PTK2B: variants seen among roughly 807,000 people sequenced by gnomAD.
PTK2B encodes the protein protein tyrosine kinase 2 beta.
Under a neutral mutation model 142.9 loss-of-function variants are expected in PTK2B, and 71 were observed. That is an observed-to-expected ratio of 0.50 (90% confidence interval 0.41 to 0.61). The LOEUF (loss-of-function observed/expected upper bound fraction) is 0.61. Among genes scored for constraint, PTK2B ranks in the 20% least tolerant of loss-of-function variants. The pLI is 0.00. For synonymous variants in PTK2B, 519 were observed against 503.4 expected (o/e 1.03, Z -0.42); for missense variants, 1,105 against 1,320.4 (o/e 0.84, Z 2.53).
chr8:27,322,929 G>T (rs1270136878), upstream of PTK2B: 1 of 152,226 alleles, frequency 6.6e-6, no homozygotes, highest in East Asian at 1.9e-4. Flanking sequence ...CACCCCACTT[G>T]ACCTTTGGCT....
At chr8:27,365,907 A>T (rs1471013794) in intron 1 of PTK2B, among the ~76,000 whole-genome samples, 5 of 152,158 alleles carry the variant, frequency 3.3e-5, no homozygotes, top group Non-Finnish European at 7.4e-5. Flanking sequence ...CCAATTAAGG[A>T]CTTCGGACTT....
At chr8:27,366,051 T>C (rs1463000341) in intron 1 of PTK2B, among the ~76,000 whole-genome samples, 1 of 152,268 alleles carries the variant, frequency 6.6e-6, no homozygotes, top group East Asian at 1.9e-4. Flanking sequence ...CATCTCTTCA[T>C]GACACCATGT....
chr8:27,454,536 G>A lies in PTK2B; in HGVS notation c.2739G>A (p.Val913=). ...PEGYVVVVKN[V]GLTLRKLIGS... ...CTGCCCCTTTCTCCCCCCAGAATGT[G>A]GGGCTGACCCTGCGGAAGCTCATCG... The change falls in exon 30 of 31, where the codon GTG becomes GTA. Residue 913 remains valine (V), a synonymous_variant. Transcript: ENST00000346049. 3 of 1,614,094 alleles carry A rather than the reference G, an allele frequency of 1.9e-6. No individual in the cohort carries two copies. Among genetic ancestry groups the A allele is most frequent in the Non-Finnish European group, 2.5e-6 (3 of 1,179,956 alleles).
At chr8:27,431,151 G>C in intron 8 of PTK2B, 135 bp downstream of exon 8, 1 of 1,478,726 alleles carries the variant, frequency 6.8e-7, no homozygotes, top group Non-Finnish European at 9.1e-7. Context: ...CTGACCTGCC[G>C]TCGGTGGAAG....
chr8:27,366,670 G>T (rs1371431788), intron 1 of PTK2B, among the ~76,000 whole-genome samples: 2 of 152,172 alleles, frequency 1.3e-5, no homozygotes, highest in South Asian at 4.1e-4. Context: ...CAAATTTCTT[G>T]TGACCCAGCC....
At chr8:27,358,887 C>T (rs1323209143) in intron 1 of PTK2B, among the ~76,000 whole-genome samples, 1 of 151,976 alleles carries the variant, frequency 6.6e-6, no homozygotes, top group African/African-American at 2.4e-5. Flanking sequence ...TTTTTTAACA[C>T]ATACTTGAAT....
chr8:27,421,044 G>A (rs1055996874), intron 4 of PTK2B, among the ~76,000 whole-genome samples: 2 of 152,196 alleles, frequency 1.3e-5, no homozygotes, highest in African/African-American at 4.8e-5. Context: ...GAATCCTGCA[G>A]TGCTTACTAC....
chr8:27,350,988 AAAATATATATATATATATATAT>A (rs1421676127), intron 1 of PTK2B, among the ~76,000 whole-genome samples: 504 of 16,208 alleles, frequency 0.031, 133 homozygotes, highest in African/African-American at 0.11. Flanking sequence ...AAAAAAAAAA[AAAATATATATATATATATATAT>A]ATATATATAT....
upstream of PTK2B, among the ~76,000 whole-genome samples, chr8:27,323,814 ATTCT>A (rs985385520): frequency 6.6e-6 from 1 of 151,996 alleles, no homozygotes; most frequent in African/African-American, 2.4e-5. Context: ...GATTTGGGAG[ATTCT>A]TTTTTTAAAG....
intron 22 of PTK2B, 34 bp from the exon 23 acceptor site, chr8:27,444,172 G>T (rs1399241578): frequency 5.0e-6 from 8 of 1,584,930 alleles, no homozygotes; most frequent in Admixed American, 5.0e-5. Context: ...CAAGGAGAGG[G>T]ACAGAGACTG....
intron 24 of PTK2B, among the ~76,000 whole-genome samples, chr8:27,449,403 T>C (rs150649718): frequency 1.2e-3 from 183 of 152,382 alleles, no homozygotes; most frequent in African/African-American, 3.6e-3. Context: ...TAACCACTTT[T>C]AGACCATATT....
intron 1 of PTK2B, among the ~76,000 whole-genome samples, chr8:27,332,693 G>A (rs367910650): frequency 1.2e-4 from 18 of 151,848 alleles, no homozygotes; most frequent in African/African-American, 2.4e-4. Context: ...GCAATCCTCC[G>A]GCCTCAGCCT....
chr8:27,359,342 C>G (rs1181272750), intron 1 of PTK2B, among the ~76,000 whole-genome samples: 1 of 152,220 alleles, frequency 6.6e-6, no homozygotes, highest in Non-Finnish European at 1.5e-5. Context: ...TCTCAAACTC[C>G]TGACCTCAAG....
chr8:27,430,467 A>G, intron 7 of PTK2B, 49 bp downstream of exon 7: 3 of 1,604,488 alleles, frequency 1.9e-6, no homozygotes, highest in Non-Finnish European at 2.6e-6. Context: ...TCCCGAGACT[A>G]GAGTGTAAGG....
chr8:27,416,677 A>G (rs955152011), intron 2 of PTK2B, among the ~76,000 whole-genome samples: 4 of 152,240 alleles, frequency 2.6e-5, no homozygotes, highest in East Asian at 1.9e-4. Flanking sequence ...GAATGGGCAC[A>G]CTACAGACCT....
chr8:27,442,776 C>A, intron 21 of PTK2B, 99 bp from the exon 22 acceptor site: 1 of 1,018,684 alleles, frequency 9.8e-7, no homozygotes, highest in Non-Finnish European at 1.5e-6. Context: ...AGCAACCTTG[C>A]CCAGGCCTCT....
chr8:27,336,415 T>A (rs1023160293), intron 1 of PTK2B, among the ~76,000 whole-genome samples: 6 of 152,240 alleles, frequency 3.9e-5, no homozygotes, highest in African/African-American at 1.4e-4. Context: ...CGTATCTGTA[T>A]GGAGAGTCAC....
intron 1 of PTK2B, among the ~76,000 whole-genome samples, chr8:27,381,936 G>C (rs561462616): frequency 1.8e-4 from 27 of 152,172 alleles, no homozygotes; most frequent in Admixed American, 4.6e-4. Context: ...TCATTTATCT[G>C]TTGGCCATTT....
upstream of PTK2B, chr8:27,311,237 G>T: frequency 6.6e-7 from 1 of 1,524,528 alleles, no homozygotes; most frequent in South Asian, 1.3e-5. Context: ...CCGCTCCATG[G>T]CACGAGCAGC....
Sources: allele counts gnomAD v4.1 joint callset (sites outside exome capture counted in the v4.1 genomes callset), GRCh38; gene constraint gnomAD v4.1.1; transcripts MANE v1.5; gene names NCBI Gene and HGNC (gene_info 2026-07-23, HGNC 2026-07-21).